GRIK4: variants seen among roughly 807,000 people sequenced by gnomAD.
The protein encoded by GRIK4 is glutamate ionotropic receptor kainate type subunit 4.
A neutral mutation model predicts 104.9 loss-of-function variants in GRIK4; 40 were observed. That is an observed-to-expected ratio of 0.38 (90% CI 0.30 to 0.50). GRIK4 has a LOEUF of 0.50. Ranked by LOEUF, GRIK4 falls within the 20% of genes least tolerant of loss-of-function variation. The pLI, the probability that GRIK4 is intolerant of heterozygous loss-of-function variation, is 0.93. For missense variants in GRIK4, 1,047 were observed against 1,308.1 expected (o/e 0.80, Z 3.08); for synonymous variants, 485 against 524.9 (o/e 0.92, Z 1.04).
intron 1 of GRIK4, among the ~76,000 whole-genome samples, chr11:120,538,147 C>T (rs375278727): frequency 7.9e-5 from 12 of 152,362 alleles, no homozygotes; most frequent in Admixed American, 3.3e-4. Flanking sequence ...GACCTGCTCA[C>T]GGCCTCTGGA....
At chr11:120,694,897 T>C (rs570193085) in intron 3 of GRIK4, among the ~76,000 whole-genome samples, 1 of 152,302 alleles carries the variant, frequency 6.6e-6, no homozygotes, top group Non-Finnish European at 1.5e-5. Context: ...CCCGTAACAC[T>C]TCCCATTGGC....
chr11:120,720,984 T>TTCATTCATTCATTCATTCATTCA, intron 3 of GRIK4, among the ~76,000 whole-genome samples: 1 of 149,276 alleles, frequency 6.7e-6, no homozygotes, highest in South Asian at 2.1e-4. Context: ...CACGTATTCA[T>TTCATTCATTCATTCATTCATTCA]TCATTCATTC....
At chr11:120,636,904 G>A (rs541207796) in intron 1 of GRIK4, among the ~76,000 whole-genome samples, 33 of 152,286 alleles carry the variant, frequency 2.2e-4, no homozygotes, top group Non-Finnish European at 2.5e-4. Flanking sequence ...GGGTCCTGAT[G>A]TCCCTGAGAA....
chr11:120,607,125 G>A (rs192731692), intron 1 of GRIK4, among the ~76,000 whole-genome samples: 67 of 152,290 alleles, frequency 4.4e-4, no homozygotes, highest in East Asian at 3.9e-3. Context: ...TGGGAGGCTC[G>A]GCTCAGTGGT....
chr11:120,881,114 C>T (rs1202981470), intron 11 of GRIK4, among the ~76,000 whole-genome samples: 1 of 152,214 alleles, frequency 6.6e-6, no homozygotes, highest in East Asian at 1.9e-4. Context: ...TCTATTAAAA[C>T]ACAAGGCCCA....
At chr11:120,779,385 T>A (rs1952106192) in intron 3 of GRIK4, among the ~76,000 whole-genome samples, 1 of 152,058 alleles carries the variant, frequency 6.6e-6, no homozygotes, top group South Asian at 2.1e-4. Flanking sequence ...CAGGATGGCA[T>A]CCCCTTTAAA....
intron 11 of GRIK4, among the ~76,000 whole-genome samples, chr11:120,888,276 G>A (rs1955177858): frequency 6.6e-6 from 1 of 151,986 alleles, no homozygotes; most frequent in Non-Finnish European, 1.5e-5. Context: ...TATCTATCTA[G>A]TAGCATAACA....
chr11:120,706,491 A>G (rs1040728310), intron 3 of GRIK4, among the ~76,000 whole-genome samples: 5 of 152,004 alleles, frequency 3.3e-5, no homozygotes, highest in African/African-American at 7.2e-5. Context: ...GCAGGCCTGG[A>G]GTCCTTGCAT....
At chr11:120,754,055 G>A (rs909222849) in intron 3 of GRIK4, among the ~76,000 whole-genome samples, 7 of 152,096 alleles carry the variant, frequency 4.6e-5, no homozygotes, top group African/African-American at 9.6e-5. Context: ...TTTTGGAGAC[G>A]GAGTCTTGCT....
chr11:120,659,081 C>G (rs1004409227), intron 2 of GRIK4, among the ~76,000 whole-genome samples: 1 of 152,014 alleles, frequency 6.6e-6, no homozygotes, highest in African/African-American at 2.4e-5. Context: ...ATCCAGGCAC[C>G]TGGGATTAGC....
Position 120,822,037 on chromosome 11 carries a change from C to G in GRIK4, c.511+2117C>G, listed in dbSNP as rs149740355. The stretch of plus-strand genomic sequence containing the variant: ...CCAGTCTGGCCAATGTAGTAGAAAC[C>G]CCGTTTCTACTGAATATGTAAAAAT... On this transcript the variant is annotated intron_variant, in intron 6 of 20. Transcript: ENST00000527524. Among the ~76,000 whole-genome samples, 37 of 151,684 alleles carry G rather than the reference C, an allele frequency of 2.4e-4. No homozygotes were observed. The East Asian group carries it at 6.2e-3, about 26-fold the overall frequency.
At chr11:120,534,225 G>A (rs1169007511) in intron 1 of GRIK4, among the ~76,000 whole-genome samples, 1 of 152,158 alleles carries the variant, frequency 6.6e-6, no homozygotes, top group African/African-American at 2.4e-5. Context: ...TTCTTCATTC[G>A]GGGCAGTTTG....
chr11:120,882,343 CTGCT>C (rs1397774057), intron 11 of GRIK4, among the ~76,000 whole-genome samples: 7 of 152,218 alleles, frequency 4.6e-5, no homozygotes, highest in African/African-American at 1.7e-4. Context: ...TCCTTTGAAG[CTGCT>C]TCTGCCGGAG....
At chr11:120,645,460 TG>T (rs1398790876) in intron 1 of GRIK4, among the ~76,000 whole-genome samples, 1 of 152,232 alleles carries the variant, frequency 6.6e-6, no homozygotes, top group Non-Finnish European at 1.5e-5. Context: ...ATGGCCTCCA[TG>T]CCACCACTGC....
intron 1 of GRIK4, among the ~76,000 whole-genome samples, chr11:120,531,518 G>A (rs941350167): frequency 2.6e-5 from 4 of 152,136 alleles, no homozygotes; most frequent in African/African-American, 9.7e-5. Context: ...TGAGACTGGT[G>A]CAGTGAGGGG....
At chr11:120,875,608 T>C (rs912596167) in intron 11 of GRIK4, among the ~76,000 whole-genome samples, 2 of 152,152 alleles carry the variant, frequency 1.3e-5, no homozygotes, top group Admixed American at 6.5e-5. Context: ...GTATCACATG[T>C]GGGCCAAGGA....
At chr11:120,960,173 A>G (rs1373755576) in intron 16 of GRIK4, among the ~76,000 whole-genome samples, 1 of 152,206 alleles carries the variant, frequency 6.6e-6, no homozygotes, top group Non-Finnish European at 1.5e-5. Flanking sequence ...TACTAAGAAT[A>G]CAAAAATTTG....
rs373366487 is a variant in GRIK4, at chr11:120,513,201, C to T, written c.-159+1314C>T. 2.0e-5 allele frequency among the ~76,000 whole-genome samples: 3 copies of T among 152,182 alleles called. No homozygotes were observed. The highest frequency in any genetic ancestry group is 1.9e-4 in the East Asian group (1 of 5,188). On this transcript the variant is annotated intron_variant, in intron 1 of 20. Transcript: ENST00000527524. The surrounding 1 kb of genome is among the most constrained non-coding windows in gnomAD (Gnocchi z 4.5). ...CAGGCCAAGAGGTCTGAGGGCTGGT[C>T]AGGAGGACTGAGCCCTGCCAGGAAC...
chr11:120,646,438 C>T (rs1282266459), intron 1 of GRIK4, among the ~76,000 whole-genome samples: 1 of 152,182 alleles, frequency 6.6e-6, no homozygotes, highest in Non-Finnish European at 1.5e-5. Context: ...CTCCCTTGTA[C>T]TGCCTCCTTC....
Sources: gnomAD v4.1 joint callset for allele counts (sites outside exome capture counted in the v4.1 genomes callset) on GRCh38, gnomAD v4.1.1 for gene constraint, Gnocchi (gnomAD v3.1) non-coding constraint, MANE v1.5 for transcripts, NCBI Gene and HGNC (gene_info 2026-07-23, HGNC 2026-07-21) for gene names.